Variants in BACE1-AS observed in about 807,000 individuals in gnomAD.
BACE1-AS encodes the protein BACE1 antisense RNA.
In BACE1-AS at chr11:117,291,874, G is replaced by A. The variant is rs908883505; in HGVS notation, n.125+103G>A. On this transcript the variant is annotated intron_variant and non_coding_transcript_variant, in intron 2 of 3. Coordinates refer to ENST00000614401, the Ensembl canonical transcript of BACE1-AS. ...GGTTTTTGATGCTGGGCTCTGGGCA[G>A]TAGGGGGTTACTGCTGGGGCCCCAG... The A allele has an allele frequency of 3.8e-6, 5 of 1,326,170 alleles. No homozygotes were observed. In the African/African-American group the frequency reaches 4.4e-5, roughly 12 times the overall value. The allele number at this position is 1,326,170 out of a possible 1,614,324, so 82.2% of individuals were successfully genotyped here.
intron 2 of BACE1-AS, chr11:117,291,853 T>G (rs1478466274): frequency 6.6e-7 from 1 of 1,508,422 alleles, no homozygotes; most frequent in Admixed American, 1.7e-5. Flanking sequence ...TCAAAAGGTT[T>G]TTGATGCTGG....
At position 117,291,684 on chromosome 11, in the gene BACE1-AS, C is replaced by CT. The variant is rs746782706; in HGVS notation, n.57-15dup. On this transcript the variant is annotated intron_variant and non_coding_transcript_variant, in intron 1 of 3. Transcript: ENST00000614401. ...GCCTCCCTCTGACACTGTACCATCT[C>CT]TTTTACCCCCATCCTTAGTCCACTC... 4.4e-5 allele frequency: 67 copies of CT among 1,528,304 alleles called. No homozygotes were observed. The African/African-American group carries it at 8.9e-4, about 20-fold the overall frequency. The allele number at this position is 1,528,304 out of a possible 1,614,324, so 94.7% of individuals were successfully genotyped here. A position where few individuals can be genotyped will look rare whatever the true frequency, so the allele number is the denominator to read the frequency against.
At chr11:117,291,632 C>A in intron 1 of BACE1-AS, 1 of 1,027,908 alleles carries the variant, frequency 9.7e-7, no homozygotes, top group Non-Finnish European at 1.5e-6. Flanking sequence ...GACATCTTGG[C>A]TGTTGCTGAA....
chr11:117,291,617 G>C, intron 1 of BACE1-AS: 1 of 899,682 alleles, frequency 1.1e-6, no homozygotes, highest in Non-Finnish European at 1.8e-6. Flanking sequence ...AAGGGTCTAA[G>C]TGCAGACATC....
chr11:117,291,831 GAGTT>G, intron 2 of BACE1-AS: 1 of 1,575,834 alleles, frequency 6.3e-7, no homozygotes, highest in Non-Finnish European at 8.7e-7. Flanking sequence ...GGAAAAGAGA[GAGTT>G]AAAAGAGTCA....
intron 2 of BACE1-AS, chr11:117,291,818 GA>G (rs1321682104): frequency 6.3e-7 from 1 of 1,599,050 alleles, no homozygotes; most frequent in African/African-American, 1.3e-5. Context: ...GTTGTACTAA[GA>G]GGGAAAAGAG....
At chr11:117,291,398 C>G (rs1209345836) in intron 1 of BACE1-AS, among the ~76,000 whole-genome samples, 4 of 152,068 alleles carry the variant, frequency 2.6e-5, no homozygotes, top group Admixed American at 6.5e-5. Context: ...CTGTCTCAGC[C>G]CCCTGAGTAG....
intron 1 of BACE1-AS, among the ~76,000 whole-genome samples, chr11:117,291,375 T>G (rs1250545530): frequency 6.6e-6 from 1 of 152,098 alleles, no homozygotes; most frequent in East Asian, 1.9e-4. Flanking sequence ...CGTCCTGAGT[T>G]AAAGTGATTC....
chr11:117,291,843 T>G (rs1353464107), intron 2 of BACE1-AS: 2 of 1,557,172 alleles, frequency 1.3e-6, no homozygotes, highest in Non-Finnish European at 1.8e-6. Flanking sequence ...GTTAAAAGAG[T>G]CAAAAGGTTT....
At chr11:117,291,722 G>C (rs1591853998) in exon 2 of BACE1-AS, 1 of 1,612,430 alleles carries the variant, frequency 6.2e-7, no homozygotes, top group Non-Finnish European at 8.5e-7. Context: ...GGAGGAGGCT[G>C]CCTTGATGGA....
chr11:117,291,512 G>C (rs546553618), intron 1 of BACE1-AS, among the ~76,000 whole-genome samples: 1 of 152,306 alleles, frequency 6.6e-6, no homozygotes, highest in East Asian at 1.9e-4. Context: ...TCCTGACCTA[G>C]TGATCTGCCC....
intron 1 of BACE1-AS, chr11:117,291,654 T>C: frequency 7.8e-7 from 1 of 1,277,956 alleles, no homozygotes; most frequent in South Asian, 1.2e-5. Context: ...AATGTGACTC[T>C]CACCGCCTCC....
intron 2 of BACE1-AS, chr11:117,291,780 T>TG: frequency 6.2e-7 from 1 of 1,613,328 alleles, no homozygotes; most frequent in Non-Finnish European, 8.5e-7. Flanking sequence ...AGGTTGGTGG[T>TG]GCCACTGTCC....
intron 1 of BACE1-AS, among the ~76,000 whole-genome samples, chr11:117,291,497 T>C (rs1346987022): frequency 6.6e-6 from 1 of 152,104 alleles, no homozygotes; most frequent in Non-Finnish European, 1.5e-5. Context: ...AGGCTGGTCT[T>C]GAACTCCTGA....
chr11:117,291,667 C>CT, intron 1 of BACE1-AS: 2 of 1,412,540 alleles, frequency 1.4e-6, no homozygotes, highest in South Asian at 1.2e-5. Context: ...CCGCCTCCCT[C>CT]TGACACTGTA....
intron 2 of BACE1-AS, chr11:117,292,158 T>A (rs75236964): frequency 0.023 from 3,709 of 159,894 alleles, 179 homozygotes; most frequent in African/African-American, 0.084. Flanking sequence ...AATACCTTGT[T>A]TAGTGCTTTT....
intron 1 of BACE1-AS, chr11:117,291,641 A>C (rs2034440263): frequency 1.8e-6 from 2 of 1,133,128 alleles, no homozygotes; most frequent in African/African-American, 1.5e-5. Context: ...GCTGTTGCTG[A>C]AGAATGTGAC....
chr11:117,291,453 C>T lies in BACE1-AS; in HGVS notation n.57-250C>T, dbSNP rs570791037. On this transcript the variant is annotated intron_variant and non_coding_transcript_variant, in intron 1 of 3. Coordinates refer to ENST00000614401, the Ensembl canonical transcript of BACE1-AS. ...CCACCACACCCAGCTAATTTTTGTACTTTTAGTAGAGATGGGATTTCACCC... is the reference window on the plus strand; with the variant it reads ...CCACCACACCCAGCTAATTTTTGTATTTTTAGTAGAGATGGGATTTCACCC... Among the ~76,000 whole-genome samples, 7 of 152,012 alleles carry T rather than the reference C, an allele frequency of 4.6e-5. No homozygotes were observed. The South Asian group carries it at 1.5e-3, about 32-fold the overall frequency.
chr11:117,291,649 G>T, intron 1 of BACE1-AS: 1 of 1,215,534 alleles, frequency 8.2e-7, no homozygotes, highest in Non-Finnish European at 1.2e-6. Flanking sequence ...TGAAGAATGT[G>T]ACTCTCACCG....
Sources: gnomAD v4.1 joint callset for allele counts (sites outside exome capture counted in the v4.1 genomes callset) on GRCh38, gnomAD v4.1.1 for gene constraint, MANE v1.5 for transcripts, NCBI Gene and HGNC (gene_info 2026-07-23, HGNC 2026-07-21) for gene names.